The following DLGAP1 variants were observed in gnomAD, a reference collection of about 807,000 sequenced individuals.
The protein encoded by DLGAP1 is disks large-associated protein 1.
DLGAP1 carries 11 observed loss-of-function variants against 90.8 expected under a neutral mutation model. The ratio of observed to expected loss-of-function variants is 0.12; its 90% confidence interval spans 0.08 to 0.20. DLGAP1 has a LOEUF of 0.20. Among genes scored for constraint, DLGAP1 ranks in the 10% least tolerant of loss-of-function variants. The pLI is 1.00. For missense variants in DLGAP1, 1,050 were observed against 1,333.8 expected (o/e 0.79, Z 3.31); for synonymous variants, 558 against 540.7 (o/e 1.03, Z -0.44).
chr18:3,816,944 G>T (rs572875016), intron 4 of DLGAP1, among the ~76,000 whole-genome samples: 2 of 152,266 alleles, frequency 1.3e-5, no homozygotes, highest in South Asian at 4.1e-4. Flanking sequence ...TTTTACTTTT[G>T]TAGGTAAAAG....
intron 1 of DLGAP1, among the ~76,000 whole-genome samples, chr18:4,247,060 T>C (rs930836277): frequency 6.6e-6 from 1 of 151,802 alleles, no homozygotes; most frequent in Non-Finnish European, 1.5e-5. Flanking sequence ...GGAGGAGTAG[T>C]AGTAGTTGTA....
At chr18:4,202,050 T>C (rs1361973252) in intron 1 of DLGAP1, among the ~76,000 whole-genome samples, 1 of 151,988 alleles carries the variant, frequency 6.6e-6, no homozygotes, top group Non-Finnish European at 1.5e-5. Flanking sequence ...TAATTCATAA[T>C]TGCAAAAATA....
chr18:4,246,976 T>C (rs979159519), intron 1 of DLGAP1, among the ~76,000 whole-genome samples: 1 of 152,210 alleles, frequency 6.6e-6, no homozygotes, highest in Non-Finnish European at 1.5e-5. Flanking sequence ...TCTCTTATTT[T>C]ATTCAATGAT....
chr18:3,922,893 G>T (rs1392742465), intron 3 of DLGAP1, among the ~76,000 whole-genome samples: 1 of 152,060 alleles, frequency 6.6e-6, no homozygotes, highest in African/African-American at 2.4e-5. Context: ...AGCACTTTGG[G>T]AGGCTGAGCG....
intron 7 of DLGAP1, among the ~76,000 whole-genome samples, chr18:3,659,412 C>CAG (rs2059606333): frequency 6.8e-6 from 1 of 146,156 alleles, no homozygotes; most frequent in Non-Finnish European, 1.5e-5. Context: ...CACACACACA[C>CAG]ACACACACAC....
chr18:4,407,984 T>C (rs1427024090), intron 1 of DLGAP1, among the ~76,000 whole-genome samples: 1 of 152,150 alleles, frequency 6.6e-6, no homozygotes, highest in Non-Finnish European at 1.5e-5. Context: ...TCTGGGGGTA[T>C]GGAGATGAAC....
intron 3 of DLGAP1, among the ~76,000 whole-genome samples, chr18:3,971,573 A>G (rs1035524534): frequency 1.3e-5 from 2 of 152,222 alleles, no homozygotes; most frequent in Admixed American, 1.3e-4. Flanking sequence ...ATTGACTGGT[A>G]TGATGCACCC....
chr18:4,310,933 T>G (rs1298500410), intron 1 of DLGAP1, among the ~76,000 whole-genome samples: 1 of 152,178 alleles, frequency 6.6e-6, no homozygotes, highest in African/African-American at 2.4e-5. Context: ...ACACCGTAGG[T>G]GCCTTACAGA....
chr18:4,363,386 T>C (rs1010808115), intron 1 of DLGAP1, among the ~76,000 whole-genome samples: 3 of 152,152 alleles, frequency 2.0e-5, no homozygotes, highest in Non-Finnish European at 2.9e-5. Context: ...GGAAGCCACA[T>C]TGGCTCAAGG....
intron 1 of DLGAP1, among the ~76,000 whole-genome samples, chr18:4,291,499 G>A (rs182938660): frequency 7.6e-4 from 116 of 152,180 alleles, no homozygotes; most frequent in African/African-American, 2.6e-3. Flanking sequence ...GGTATGTCAT[G>A]TATACATATA....
chr18:4,040,627 A>C (rs560439240), intron 2 of DLGAP1, among the ~76,000 whole-genome samples: 2 of 152,342 alleles, frequency 1.3e-5, no homozygotes, highest in Admixed American at 6.5e-5. Context: ...ACCATTAAAA[A>C]ATTTGAGTGA....
At chr18:3,544,607 G>A (rs921367284) in intron 9 of DLGAP1, among the ~76,000 whole-genome samples, 4 of 151,672 alleles carry the variant, frequency 2.6e-5, no homozygotes, top group Non-Finnish European at 5.9e-5. Context: ...GTCAGACAAC[G>A]TACTTTTTCC....
At chr18:3,737,780 T>C (rs373734817) in intron 6 of DLGAP1, among the ~76,000 whole-genome samples, 2 of 139,662 alleles carry the variant, frequency 1.4e-5, no homozygotes, top group African/African-American at 5.5e-5. Context: ...CCAGGGCAAT[T>C]AGGCAGGAGA....
intron 12 of DLGAP1, among the ~76,000 whole-genome samples, chr18:3,501,880 A>G (rs942366389): frequency 4.0e-5 from 6 of 151,772 alleles, no homozygotes; most frequent in African/African-American, 1.5e-4. Context: ...CTTTATTTCT[A>G]AACTGATGCA....
At chr18:3,903,081 T>C (rs1422808868) in intron 3 of DLGAP1, among the ~76,000 whole-genome samples, 2 of 152,232 alleles carry the variant, frequency 1.3e-5, no homozygotes, top group African/African-American at 4.8e-5. Context: ...GTACTCTCTT[T>C]TCAATTGCAC....
At chr18:4,110,647 T>C (rs1393833453) in intron 2 of DLGAP1, among the ~76,000 whole-genome samples, 1 of 152,186 alleles carries the variant, frequency 6.6e-6, no homozygotes. Flanking sequence ...GGGTTCCCTG[T>C]GGGTTTGATC....
intron 1 of DLGAP1, among the ~76,000 whole-genome samples, chr18:4,297,489 T>C (rs2080012066): frequency 6.6e-6 from 1 of 152,184 alleles, no homozygotes; most frequent in Non-Finnish European, 1.5e-5. Context: ...TTGTAACATA[T>C]CCTCTATACT....
rs142894461 is a variant in DLGAP1, at chr18:3,673,555, A to T, written c.1591+55580T>A. Among the ~76,000 whole-genome samples, 488 of 151,842 alleles carry T rather than the reference A, an allele frequency of 3.2e-3. 2 individuals carry two copies. Among genetic ancestry groups the T allele is most frequent in the African/African-American group, 0.011 (467 of 41,410 alleles). The stretch of plus-strand genomic sequence containing the variant: ...TGTGAATGAGAGGAGGATGATTGCA[A>T]CTCTTTTTTTTGGATGGAGTCTCAC... On this transcript the variant is annotated intron_variant, in intron 7 of 12. Coordinates refer to ENST00000315677, the MANE Select transcript of DLGAP1 (RefSeq NM_004746.4).
Position 3,789,415 on chromosome 18 carries a change from C to T in DLGAP1, c.1172+24644G>A, listed in dbSNP as rs571065960. Among the ~76,000 whole-genome samples, 101 of 152,260 alleles carry T rather than the reference C, an allele frequency of 6.6e-4. 2 individuals carry two copies. The highest frequency in any genetic ancestry group is 2.1e-3 in the African/African-American group (87 of 41,546). On this transcript the variant is annotated intron_variant, in intron 5 of 12. Transcript: ENST00000315677. ...ACTTCTCAGAGATGTGGAGCTCAGACGGAAGGCCGGGGCCGAAGAGGTAAG... is the reference window on the plus strand; with the variant it reads ...ACTTCTCAGAGATGTGGAGCTCAGATGGAAGGCCGGGGCCGAAGAGGTAAG...
Sources: allele counts gnomAD v4.1 joint callset (sites outside exome capture counted in the v4.1 genomes callset), GRCh38; gene constraint gnomAD v4.1.1; transcripts MANE v1.5; gene names NCBI Gene and HGNC (gene_info 2026-07-23, HGNC 2026-07-21).